HECW1: variants seen among roughly 807,000 people sequenced by gnomAD.
HECW1 encodes E3 ubiquitin-protein ligase HECW1.
In HECW1, 61 loss-of-function variants were observed where a neutral mutation model predicts 182.3. The ratio of observed to expected loss-of-function variants is 0.33; its 90% CI spans 0.27 to 0.41. The LOEUF is 0.41. Ranked by LOEUF, HECW1 falls within the 10% of genes least tolerant of loss-of-function variation. The pLI, the probability that HECW1 is intolerant of heterozygous loss-of-function variation, is 1.00. For missense variants in HECW1, 1,739 were observed against 2,108.9 expected, an observed-to-expected ratio of 0.82 and a Z score of 3.44; for synonymous variants, 859 against 832.6, an observed-to-expected ratio of 1.03 and a Z score of -0.55.
At chr7:43,414,929 T>C (rs1024746786) in intron 8 of HECW1, among the ~76,000 whole-genome samples, 7 of 152,118 alleles carry the variant, frequency 4.6e-5, no homozygotes, top group African/African-American at 1.7e-4. Context: ...TTTTTGGTTG[T>C]GTCTCTGCCC....
intron 2 of HECW1, among the ~76,000 whole-genome samples, chr7:43,137,691 A>G (rs1787711953): frequency 6.6e-6 from 1 of 152,070 alleles, no homozygotes; most frequent in Non-Finnish European, 1.5e-5. Flanking sequence ...CTAGAACTAC[A>G]GGCATGTGCC....
At chr7:43,264,379 G>C (rs1223851371) in intron 3 of HECW1, among the ~76,000 whole-genome samples, 1 of 151,998 alleles carries the variant, frequency 6.6e-6, no homozygotes, top group Non-Finnish European at 1.5e-5. Flanking sequence ...CATATAACCT[G>C]AACATCCTCC....
rs6942969 is a variant in HECW1 at position 43,276,417 on chromosome 7, G to A, written c.27+32485G>A. Reference sequence around the variant, plus strand: ...AAAAGGATAAGTTTCTCACACAGTCGTTTGTAGAATTTAAAAAGAGACTAC... The same window carrying A: ...AAAAGGATAAGTTTCTCACACAGTCATTTGTAGAATTTAAAAAGAGACTAC... On this transcript the variant is annotated intron_variant, in intron 3 of 29. Transcript: ENST00000395891. Among the ~76,000 whole-genome samples the A allele has an allele frequency of 6.5e-3, 981 of 150,980 alleles. 15 individuals are homozygous for A. Among genetic ancestry groups the A allele is most frequent in the African/African-American group, 0.023 (939 of 40,450 alleles).
chr7:43,392,920 A>G (rs920238237), intron 6 of HECW1, among the ~76,000 whole-genome samples: 2 of 152,182 alleles, frequency 1.3e-5, no homozygotes, highest in South Asian at 4.1e-4. Flanking sequence ...GGGGTGTGCA[A>G]CAGTGGTGTG....
At chr7:43,446,479 C>CTGCTATTT (rs2077059195) in intron 11 of HECW1, among the ~76,000 whole-genome samples, 1 of 152,168 alleles carries the variant, frequency 6.6e-6, no homozygotes, top group Admixed American at 6.5e-5. Flanking sequence ...AACATAGCCT[C>CTGCTATTT]TGCTATTTTG....
intron 7 of HECW1, 99 bp from the exon 8 acceptor site, chr7:43,407,463 A>G (rs2075649310): frequency 1.2e-6 from 1 of 850,720 alleles, no homozygotes; most frequent in Non-Finnish European, 1.8e-6. Flanking sequence ...GATCTAGTTC[A>G]TAAGGGCCAA....
At chr7:43,323,583 C>T (rs192241831) in intron 5 of HECW1, among the ~76,000 whole-genome samples, 129 of 152,114 alleles carry the variant, frequency 8.5e-4, no homozygotes, top group East Asian at 6.6e-3. Context: ...CCAGCCTGGG[C>T]GGCAGAATGA....
chr7:43,406,663 A>C (rs1368481601), intron 7 of HECW1, among the ~76,000 whole-genome samples: 1 of 152,200 alleles, frequency 6.6e-6, no homozygotes, highest in Non-Finnish European at 1.5e-5. Flanking sequence ...CACACCTGTA[A>C]TCCCAACACT....
intron 6 of HECW1, among the ~76,000 whole-genome samples, chr7:43,374,821 T>C (rs1311233309): frequency 7.6e-6 from 1 of 131,536 alleles, no homozygotes; most frequent in African/African-American, 3.1e-5. Flanking sequence ...TAATAACCAG[T>C]GAAAAAAAGA....
At chr7:43,507,972 C>A in intron 22 of HECW1, 46 bp from the exon 23 acceptor site, 1 of 1,350,710 alleles carries the variant, frequency 7.4e-7, no homozygotes. Context: ...CCCTGTCCAG[C>A]ATCCTGACTT....
At chr7:43,144,810 T>C (rs905026140) in intron 2 of HECW1, among the ~76,000 whole-genome samples, 1 of 152,194 alleles carries the variant, frequency 6.6e-6, no homozygotes, top group Admixed American at 6.5e-5. Flanking sequence ...TCTTTTATTG[T>C]GGAATAGAAT....
At chr7:43,151,338 TA>T (rs1463509654) in intron 2 of HECW1, among the ~76,000 whole-genome samples, 16 of 152,212 alleles carry the variant, frequency 1.1e-4, no homozygotes, top group Non-Finnish European at 1.9e-4. Flanking sequence ...AAGTACTTAG[TA>T]AACCTTGTAA....
At chr7:43,509,996 A>T (rs2079783998) in intron 24 of HECW1, 1 of 152,312 alleles carries the variant, frequency 6.6e-6, no homozygotes, top group Non-Finnish European at 1.5e-5. Context: ...GCTTCCAGAT[A>T]TTGCACATGC....
chr7:43,388,507 T>C (rs1173278038), intron 6 of HECW1, among the ~76,000 whole-genome samples: 1 of 152,218 alleles, frequency 6.6e-6, no homozygotes, highest in Non-Finnish European at 1.5e-5. Context: ...GCATAATGAT[T>C]ATCAAACGTG....
intron 2 of HECW1, among the ~76,000 whole-genome samples, chr7:43,193,582 ATCT>A (rs1794150766): frequency 1.3e-5 from 2 of 152,070 alleles, no homozygotes; most frequent in Admixed American, 1.3e-4. Context: ...GGGTTTCACC[ATCT>A]TGGCCAGGCT....
intron 17 of HECW1, among the ~76,000 whole-genome samples, chr7:43,490,348 T>G (rs1200433376): frequency 1.3e-5 from 2 of 152,218 alleles, no homozygotes; most frequent in Non-Finnish European, 2.9e-5. Context: ...CCTTTCTGGT[T>G]CTGGTTCTGA....
At chr7:43,260,036 C>T (rs992033361) in intron 3 of HECW1, among the ~76,000 whole-genome samples, 4 of 151,974 alleles carry the variant, frequency 2.6e-5, no homozygotes, top group African/African-American at 9.7e-5. Flanking sequence ...TTCTGAAAAC[C>T]AAAGATAAAG....
chr7:43,523,596 G>A (rs774065098), intron 24 of HECW1, among the ~76,000 whole-genome samples: 2 of 152,046 alleles, frequency 1.3e-5, no homozygotes, highest in Admixed American at 6.6e-5. Flanking sequence ...CAGAGATCTC[G>A]CCATTGCACT....
Position 43,114,359 on chromosome 7 carries a change from A to C in HECW1, c.-64A>C, listed in dbSNP as rs1292548495. On this transcript the variant is annotated 5_prime_UTR_variant, in exon 2 of 30. Transcript: ENST00000395891. ...GCAGGTGGCCAGATCTGCGTTTCTC[A>C]TCAGCAGACTCACTCCGGCTGTGGC... 7.4e-6 allele frequency: 10 copies of C among 1,356,064 alleles called. No individual in the cohort carries two copies. Among genetic ancestry groups the C allele is most frequent in the Non-Finnish European group, 8.7e-6 (9 of 1,029,664 alleles). 84.0% of individuals were successfully genotyped at this position (1,356,064 alleles called of 1,614,324 possible). A position where few individuals can be genotyped will look rare whatever the true frequency, so the allele number is the denominator to read the frequency against.
Sources: allele counts gnomAD v4.1 joint callset (sites outside exome capture counted in the v4.1 genomes callset), GRCh38; gene constraint gnomAD v4.1.1; transcripts MANE v1.5; gene names NCBI Gene and HGNC (gene_info 2026-07-23, HGNC 2026-07-21).